The following KLHL29 variants were observed in gnomAD, a reference collection of about 807,000 sequenced individuals.
The protein encoded by KLHL29 is kelch like family member 29, also known as kelch-like protein 29.
KLHL29 carries 21 observed loss-of-function variants against 80.4 expected under a neutral mutation model. The observed-to-expected ratio is 0.26, with a 90% CI of 0.19 to 0.38. The LOEUF (loss-of-function observed/expected upper bound fraction) is 0.38. Among genes scored for constraint, KLHL29 ranks in the 10% least tolerant of loss-of-function variants. KLHL29 has a pLI of 1.00. For synonymous variants in KLHL29, 511 were observed against 526.8 expected (o/e 0.97, Z 0.41); for missense variants, 867 against 1,223.9 (o/e 0.71, Z 4.35).
chr2:23,701,086 C>T (rs1672336545), intron 11 of KLHL29, among the ~76,000 whole-genome samples: 1 of 152,180 alleles, frequency 6.6e-6, no homozygotes, highest in South Asian at 2.1e-4. Context: ...CTGTAAACTT[C>T]CTGTGAAGAA....
intron 3 of KLHL29, among the ~76,000 whole-genome samples, chr2:23,588,228 G>A (rs1005082134): frequency 2.0e-5 from 3 of 152,214 alleles, no homozygotes; most frequent in Middle Eastern, 3.4e-3. Flanking sequence ...GCTGAACATC[G>A]AGTGGGCCCC....
chr2:23,632,710 G>A (rs1669501382), intron 3 of KLHL29, among the ~76,000 whole-genome samples: 2 of 152,236 alleles, frequency 1.3e-5, no homozygotes, highest in African/African-American at 2.4e-5. Context: ...ACCCTGCAGA[G>A]TGAGAAGAAA....
At chr2:23,461,284 C>A (rs1174058852) in intron 1 of KLHL29, among the ~76,000 whole-genome samples, 3 of 152,082 alleles carry the variant, frequency 2.0e-5, no homozygotes, top group Non-Finnish European at 4.4e-5. Context: ...GGATGTGGCT[C>A]CCAGACTGGG....
chr2:23,498,366 G>T (rs899743586), intron 2 of KLHL29, among the ~76,000 whole-genome samples: 2 of 152,214 alleles, frequency 1.3e-5, no homozygotes, highest in African/African-American at 4.8e-5. Flanking sequence ...TGGGCTGGAG[G>T]CTGCGGCACC....
intron 3 of KLHL29, among the ~76,000 whole-genome samples, chr2:23,597,454 C>T (rs1333857898): frequency 1.8e-5 from 2 of 109,802 alleles, no homozygotes; most frequent in Admixed American, 1.3e-4. Context: ...GACAGAGTCT[C>T]GCTCTGTCAC....
chr2:23,452,006 G>A (rs1226542080), intron 1 of KLHL29, among the ~76,000 whole-genome samples: 1 of 151,736 alleles, frequency 6.6e-6, no homozygotes, highest in African/African-American at 2.4e-5. Context: ...AGGGGGAGGT[G>A]CCACTCTTAT....
At chr2:23,430,807 A>C (rs1268289590) in intron 1 of KLHL29, among the ~76,000 whole-genome samples, 1 of 152,166 alleles carries the variant, frequency 6.6e-6, no homozygotes, top group Non-Finnish European at 1.5e-5. Flanking sequence ...CTTGGGTAGC[A>C]TTTGGTCCAG....
chr2:23,435,211 G>A (rs967251950), intron 1 of KLHL29, among the ~76,000 whole-genome samples: 1 of 152,102 alleles, frequency 6.6e-6, no homozygotes, highest in Admixed American at 6.5e-5. Flanking sequence ...GGGTAAGGTC[G>A]GGCATTAGGA....
At chr2:23,610,237 T>G (rs1463497365) in intron 3 of KLHL29, among the ~76,000 whole-genome samples, 1 of 152,186 alleles carries the variant, frequency 6.6e-6, no homozygotes, top group Non-Finnish European at 1.5e-5. Flanking sequence ...TGGCCAGGCC[T>G]CAGCTCCAAA....
At chr2:23,623,028 C>T (rs1669224420) in intron 3 of KLHL29, among the ~76,000 whole-genome samples, 1 of 152,202 alleles carries the variant, frequency 6.6e-6, no homozygotes, top group South Asian at 2.1e-4. Context: ...CAGGAGCTCA[C>T]AGTCCTGGGT....
intron 8 of KLHL29, among the ~76,000 whole-genome samples, chr2:23,694,470 G>A (rs55947039): frequency 0.049 from 7,447 of 152,088 alleles, 255 homozygotes; most frequent in Middle Eastern, 0.075. Flanking sequence ...CAGCCTGAGC[G>A]GTCTCTCTAA....
intron 2 of KLHL29, among the ~76,000 whole-genome samples, chr2:23,518,294 T>C (rs558055957): frequency 6.6e-6 from 1 of 152,338 alleles, no homozygotes; most frequent in South Asian, 2.1e-4. Context: ...CTGTTGTTAT[T>C]TTCCTTGCTT....
intron 1 of KLHL29, among the ~76,000 whole-genome samples, 184 bp from the exon 2 acceptor site, chr2:23,475,376 A>T (rs1664601767): frequency 6.6e-6 from 1 of 152,028 alleles, no homozygotes; most frequent in Admixed American, 6.6e-5. Context: ...CCTGTGTGAG[A>T]TAATCCACAG....
intron 1 of KLHL29, among the ~76,000 whole-genome samples, chr2:23,431,673 A>C (rs1663180275): frequency 6.6e-6 from 1 of 152,122 alleles, no homozygotes; most frequent in South Asian, 2.1e-4. Flanking sequence ...CGGGTGGATC[A>C]TTGAGGTCAG....
chr2:23,414,373 G>C (rs1309989055), intron 1 of KLHL29, among the ~76,000 whole-genome samples: 3 of 152,256 alleles, frequency 2.0e-5, no homozygotes, highest in Non-Finnish European at 4.4e-5. Context: ...TGGGAGGGAT[G>C]CTGTGGGAGA....
rs1015572669 is a variant in KLHL29 at position 23,579,699 on chromosome 2, CT to C, written c.285+17226del. ...ATCTGCCCACTCTGTCACATCCATC[CT>C]TTTTTTTCTAAATGTGCAGTTACTC... On this transcript the variant is annotated intron_variant, in intron 3 of 13. Coordinates refer to ENST00000486442, the MANE Select transcript of KLHL29 (RefSeq NM_052920.2). 1.5e-3 allele frequency among the ~76,000 whole-genome samples: 230 copies of C among 152,196 alleles called. 1 individual carries two copies. The highest frequency in any genetic ancestry group is 5.2e-3 in the African/African-American group (214 of 41,540).
intron 1 of KLHL29, among the ~76,000 whole-genome samples, chr2:23,450,812 C>G (rs1224470447): frequency 7.9e-5 from 12 of 152,200 alleles, no homozygotes; most frequent in Admixed American, 7.9e-4. Flanking sequence ...AATATAGTCA[C>G]AGATATGTGC....
At chr2:23,463,660 C>G (rs914707013) in intron 1 of KLHL29, among the ~76,000 whole-genome samples, 1 of 152,256 alleles carries the variant, frequency 6.6e-6, no homozygotes, top group African/African-American at 2.4e-5. Flanking sequence ...CCCGCAAGAA[C>G]TCTGACCAAC....
At position 23,640,273 on chromosome 2, in the gene KLHL29, C is replaced by T. The variant is rs1572458424; in HGVS notation, c.427+993C>T. Among the ~76,000 whole-genome samples the T allele has an allele frequency of 3.3e-5, 5 of 152,312 alleles. 1 individual carries two copies. ...CCTGCAGACCTGGTCTTGTCTTCCA[C>T]GTCATTATCCAAGTCACGGATTAAA... is the stretch of plus-strand genomic sequence containing the variant. On this transcript the variant is annotated intron_variant, in intron 4 of 13. Transcript: ENST00000486442.
Sources: allele counts gnomAD v4.1 joint callset (sites outside exome capture counted in the v4.1 genomes callset), GRCh38; gene constraint gnomAD v4.1.1; transcripts MANE v1.5; gene names NCBI Gene and HGNC (gene_info 2026-07-23, HGNC 2026-07-21).